The following BABAM2 variants were observed in gnomAD, a reference collection of about 807,000 sequenced individuals.
BABAM2 encodes BRISC and BRCA1 A complex member 2, also known as BRISC and BRCA1-A complex member 2.
In BABAM2, 31 loss-of-function variants were observed where a neutral mutation model predicts 54.7. The ratio of observed to expected loss-of-function variants is 0.57; its 90% CI spans 0.43 to 0.77. BABAM2 has a LOEUF of 0.77. Among genes scored for constraint, BABAM2 ranks in the 30% least tolerant of loss-of-function variants. The probability of loss-of-function intolerance (pLI) is 0.00; values close to 1 mark genes in which losing one functional copy is unlikely to be tolerated. For synonymous variants in BABAM2, 167 were observed against 162.9 expected, an observed-to-expected ratio of 1.03 and a Z score of -0.19; for missense variants, 364 against 455.8, an observed-to-expected ratio of 0.80 and a Z score of 1.83.
Position 28,046,337 on chromosome 2 carries a change from A to G in BABAM2, c.570+538A>G, listed in dbSNP as rs188604522. Among the ~76,000 whole-genome samples the G allele has an allele frequency of 7.9e-5, 12 of 152,182 alleles. No homozygotes were observed. In the East Asian group the frequency reaches 1.9e-3, roughly 25 times the overall value. ...TAGCCGGGCATGGTGGCAGGCTCCT[A>G]TAATCCCAGCTACTCGGGAGACTGA... On this transcript the variant is annotated intron_variant, in intron 6 of 11. Coordinates refer to ENST00000379624, the MANE Select transcript of BABAM2 (RefSeq NM_199191.3).
At chr2:28,085,185 A>G (rs1665529528) in intron 6 of BABAM2, among the ~76,000 whole-genome samples, 1 of 152,232 alleles carries the variant, frequency 6.6e-6, no homozygotes, top group South Asian at 2.1e-4. Context: ...GTTGGGGATG[A>G]ATAGAACATT....
rs569210086 is a variant in BABAM2 at position 28,169,042 on chromosome 2, C to T, written c.680+39662C>T. On this transcript the variant is annotated intron_variant, in intron 7 of 11. Coordinates refer to ENST00000379624, the MANE Select transcript of BABAM2 (RefSeq NM_199191.3). ...CTCCAGTATGTGTTATCCCACTACTCATGTTAAAGACTTGGTTAACTGTGT... is the reference window on the plus strand; with the variant it reads ...CTCCAGTATGTGTTATCCCACTACTTATGTTAAAGACTTGGTTAACTGTGT... 1.5e-3 allele frequency among the ~76,000 whole-genome samples: 232 copies of T among 152,262 alleles called. 1 individual carries two copies. The highest frequency in any genetic ancestry group is 5.4e-3 in the African/African-American group (223 of 41,556).
chr2:28,055,181 A>G (rs1268175767), intron 6 of BABAM2, among the ~76,000 whole-genome samples: 1 of 152,204 alleles, frequency 6.6e-6, no homozygotes, highest in Non-Finnish European at 1.5e-5. Flanking sequence ...CAAATACTGC[A>G]TGTTCTTACT....
At chr2:28,041,546 G>C (rs1677100046) in intron 5 of BABAM2, among the ~76,000 whole-genome samples, 2 of 152,168 alleles carry the variant, frequency 1.3e-5, no homozygotes, top group South Asian at 4.1e-4. Context: ...TTTAGAAATT[G>C]CTCATACCAT....
In BABAM2 at chr2:28,033,191, A is replaced by G. The variant is rs532457604; in HGVS notation, c.495+7771A>G. Among the ~76,000 whole-genome samples, 15 of 152,232 alleles carry G rather than the reference A, an allele frequency of 9.9e-5. No homozygotes were observed. The South Asian group carries it at 3.1e-3, about 32-fold the overall frequency. ...AAAAGATACATCATACATTTTCTCA[A>G]TGGGTAAATCCTAAGGTTTCATTTT... On this transcript the variant is annotated intron_variant, in intron 5 of 11. Transcript: ENST00000379624.
chr2:27,954,461 C>G (rs1188448194), intron 3 of BABAM2, among the ~76,000 whole-genome samples: 2 of 152,174 alleles, frequency 1.3e-5, no homozygotes, highest in Non-Finnish European at 2.9e-5. Context: ...CAAACATTCC[C>G]TTTATAAAGG....
At position 27,897,736 on chromosome 2, in the gene BABAM2, G is replaced by A. The variant is rs542892273; in HGVS notation, c.128+3052G>A. The stretch of plus-strand genomic sequence containing the variant: ...AGACTTCCCCAGCTTATAAATGGTG[G>A]TAGGAAGTGGGGATTCTGAAATAGA... On this transcript the variant is annotated intron_variant, in intron 2 of 11. Coordinates refer to ENST00000379624, the MANE Select transcript of BABAM2 (RefSeq NM_199191.3). 6.6e-5 allele frequency among the ~76,000 whole-genome samples: 10 copies of A among 152,204 alleles called. No homozygotes were observed. In the East Asian group the frequency reaches 1.9e-3, roughly 29 times the overall value.
intron 3 of BABAM2, among the ~76,000 whole-genome samples, chr2:27,951,811 A>G (rs1381723845): frequency 6.6e-6 from 1 of 152,220 alleles, no homozygotes; most frequent in East Asian, 1.9e-4. Context: ...TCACTGGAGC[A>G]GTATACGCTG....
intron 7 of BABAM2, among the ~76,000 whole-genome samples, chr2:28,196,251 C>T (rs1338566667): frequency 8.7e-5 from 13 of 149,110 alleles, no homozygotes; most frequent in South Asian, 4.2e-4. Context: ...GGTGTGAACC[C>T]GGGAGGCGGA....
chr2:28,108,650 G>A (rs569632299), intron 6 of BABAM2, among the ~76,000 whole-genome samples: 254 of 152,194 alleles, frequency 1.7e-3, no homozygotes, highest in Non-Finnish European at 3.1e-3. Context: ...TTCATTTAGG[G>A]AGCTATTAAT....
intron 6 of BABAM2, among the ~76,000 whole-genome samples, chr2:28,096,671 T>C (rs1666655678): frequency 1.3e-5 from 2 of 152,120 alleles, no homozygotes; most frequent in African/African-American, 4.8e-5. Flanking sequence ...TTGTCAGCCA[T>C]TCTCATACTA....
At chr2:28,287,385 G>T (rs569445513) in intron 10 of BABAM2, among the ~76,000 whole-genome samples, 4 of 152,116 alleles carry the variant, frequency 2.6e-5, no homozygotes, top group Admixed American at 1.3e-4. Context: ...GCTATTTATG[G>T]TGTTCTCTCT....
chr2:27,910,239 A>T (rs1235187392), intron 2 of BABAM2, among the ~76,000 whole-genome samples: 1 of 152,208 alleles, frequency 6.6e-6, no homozygotes, highest in African/African-American at 2.4e-5. Flanking sequence ...AATAAGTATA[A>T]AACTGTGGAT....
At chr2:28,163,547 G>A (rs781763275) in intron 7 of BABAM2, among the ~76,000 whole-genome samples, 1 of 152,170 alleles carries the variant, frequency 6.6e-6, no homozygotes. Context: ...ATATCTAATA[G>A]AATGCCAGAG....
At chr2:28,056,129 TC>T (rs767321262) in intron 6 of BABAM2, among the ~76,000 whole-genome samples, 2 of 152,274 alleles carry the variant, frequency 1.3e-5, no homozygotes, top group South Asian at 4.2e-4. Context: ...GGATACATCT[TC>T]TGTGTACATC....
chr2:27,944,321 G>A (rs1354359910), intron 3 of BABAM2, among the ~76,000 whole-genome samples: 2 of 152,084 alleles, frequency 1.3e-5, no homozygotes, highest in Admixed American at 1.3e-4. Flanking sequence ...CCACACCATA[G>A]TCAAGATAAA....
chr2:27,994,319 C>T (rs775998327), intron 4 of BABAM2, among the ~76,000 whole-genome samples: 5 of 152,152 alleles, frequency 3.3e-5, no homozygotes, highest in Admixed American at 6.5e-5. Context: ...TCTTAGGTAA[C>T]TATTATTAAC....
chr2:28,334,124 G>A (rs1691203055), intron 11 of BABAM2, among the ~76,000 whole-genome samples: 1 of 152,154 alleles, frequency 6.6e-6, no homozygotes, highest in Non-Finnish European at 1.5e-5. Flanking sequence ...CTTCCCCTTG[G>A]CAGCACGCAG....
intron 7 of BABAM2, among the ~76,000 whole-genome samples, chr2:28,129,982 A>G (rs1162797739): frequency 6.6e-6 from 1 of 152,192 alleles, no homozygotes; most frequent in East Asian, 1.9e-4. Context: ...TGAATTTTGT[A>G]AGGCCTGAAT....
Sources: allele counts gnomAD v4.1 joint callset (sites outside exome capture counted in the v4.1 genomes callset), GRCh38; gene constraint gnomAD v4.1.1; transcripts MANE v1.5; gene names NCBI Gene and HGNC (gene_info 2026-07-23, HGNC 2026-07-21).